HAPSTR1: variants seen among roughly 807,000 people sequenced by gnomAD.
The protein encoded by HAPSTR1 is HUWE1-associated protein modifying stress responses 1.
chr16:9,116,955 T>C, the HAPSTR1 span: 2 of 1,607,164 alleles, frequency 1.2e-6, no homozygotes, highest in Non-Finnish European at 8.5e-7. Flanking sequence ...TGAAAGCCAC[T>C]TGATCCTCAA....
chr16:9,101,898 G>A, the HAPSTR1 span, among the ~76,000 whole-genome samples: 3 of 152,224 alleles, frequency 2.0e-5, no homozygotes, highest in Middle Eastern at 3.4e-3. Flanking sequence ...TGAGGCAGGC[G>A]GATCACAAGG....
At chr16:9,111,100 C>T in the HAPSTR1 span, 1 of 152,208 alleles carries the variant, frequency 6.6e-6, no homozygotes, top group African/African-American at 2.4e-5. Context: ...TTTTCTGTTG[C>T]AGAGAATTAA....
the HAPSTR1 span, among the ~76,000 whole-genome samples, chr16:9,094,228 ATAG>A: frequency 6.6e-6 from 1 of 152,144 alleles, no homozygotes; most frequent in East Asian, 1.9e-4. Flanking sequence ...TGTAATAATA[ATAG>A]TCCAGTCTTA....
the HAPSTR1 span, chr16:9,120,751 C>A: frequency 6.9e-6 from 1 of 144,344 alleles, no homozygotes; most frequent in Non-Finnish European, 1.5e-5. Flanking sequence ...GATCTTGGCT[C>A]ACCACAACCT....
the HAPSTR1 span, among the ~76,000 whole-genome samples, chr16:9,098,259 G>C: frequency 2.0e-5 from 3 of 152,166 alleles, no homozygotes; most frequent in African/African-American, 7.2e-5. Flanking sequence ...CTTGAACCTG[G>C]GAGGCGGAGG....
the HAPSTR1 span, chr16:9,112,795 C>G: frequency 1.3e-5 from 2 of 152,098 alleles, no homozygotes; most frequent in Non-Finnish European, 2.9e-5. Flanking sequence ...TATGATGAAA[C>G]CATCCTCATC....
chr16:9,110,880 A>G, the HAPSTR1 span: 1 of 152,318 alleles, frequency 6.6e-6, no homozygotes, highest in Non-Finnish European at 1.5e-5. Context: ...TCTACTAAAA[A>G]TACAAAAATT....
chr16:9,092,224 G>T, the HAPSTR1 span: 3 of 1,586,586 alleles, frequency 1.9e-6, no homozygotes, highest in Non-Finnish European at 2.6e-6. Context: ...AGAAGCTGTG[G>T]CACCTCTTCC....
chr16:9,095,931 A>G, the HAPSTR1 span, among the ~76,000 whole-genome samples: 38 of 152,264 alleles, frequency 2.5e-4, no homozygotes, highest in African/African-American at 7.9e-4. Context: ...TGTTTCTTCA[A>G]TATTCAGTAG....
the HAPSTR1 span, chr16:9,113,242 A>G: frequency 6.6e-6 from 1 of 152,068 alleles, no homozygotes; most frequent in African/African-American, 2.4e-5. Flanking sequence ...TTTGGGGAAG[A>G]TTAGGTAGGC....
chr16:9,093,152 G>C, the HAPSTR1 span: 2 of 790,382 alleles, frequency 2.5e-6, no homozygotes, highest in East Asian at 2.7e-5. Context: ...GCTCTAGCTA[G>C]ATCCACCGGA....
At chr16:9,116,409 A>ACCGTACACTGTACACGT in the HAPSTR1 span, among the ~76,000 whole-genome samples, 1 of 152,188 alleles carries the variant, frequency 6.6e-6, no homozygotes, top group Non-Finnish European at 1.5e-5. Context: ...TTGTACACCT[A>ACCGTACACTGTACACGT]GCACGGTGGT....
At chr16:9,098,106 G>A in the HAPSTR1 span, among the ~76,000 whole-genome samples, 1 of 152,204 alleles carries the variant, frequency 6.6e-6, no homozygotes, top group African/African-American at 2.4e-5. Flanking sequence ...TGAGGCGGAA[G>A]GATCATTTGA....
At chr16:9,092,019 G>C in the HAPSTR1 span, 3 of 1,483,482 alleles carry the variant, frequency 2.0e-6, no homozygotes, top group Middle Eastern at 2.4e-4. Context: ...CGGCGGTGGC[G>C]GCGAGGCCGC....
chr16:9,093,378 T>TGGAAGACGGCTGAGCC, the HAPSTR1 span, among the ~76,000 whole-genome samples: 1 of 152,182 alleles, frequency 6.6e-6, no homozygotes, highest in Middle Eastern at 3.2e-3. Flanking sequence ...AGCGTTGAGC[T>TGGAAGACGGCTGAGCC]GGAAGACGGC....
the HAPSTR1 span, chr16:9,121,416 A>G: frequency 2.0e-5 from 3 of 152,218 alleles, no homozygotes; most frequent in East Asian, 5.8e-4. Context: ...CATCGTAGCC[A>G]GTGTTGGGTA....
At chr16:9,095,140 C>T in the HAPSTR1 span, among the ~76,000 whole-genome samples, 1 of 152,146 alleles carries the variant, frequency 6.6e-6, no homozygotes, top group African/African-American at 2.4e-5. Context: ...TACCTTGTTT[C>T]TGTACAGTGA....
the HAPSTR1 span, among the ~76,000 whole-genome samples, chr16:9,100,666 TG>T: frequency 6.6e-6 from 1 of 152,194 alleles, no homozygotes; most frequent in Non-Finnish European, 1.5e-5. Flanking sequence ...CCCGAGTAGC[TG>T]GGATTACAGG....
the HAPSTR1 span, chr16:9,092,908 GC>G: frequency 6.8e-7 from 1 of 1,464,068 alleles, no homozygotes; most frequent in Non-Finnish European, 9.1e-7. Context: ...TTTTTTTTTG[GC>G]TTGCTTTTCA....
Sources: gnomAD v4.1 joint callset for allele counts (sites outside exome capture counted in the v4.1 genomes callset) on GRCh38, gnomAD v4.1.1 for gene constraint, MANE v1.5 for transcripts, NCBI Gene and HGNC (gene_info 2026-07-23, HGNC 2026-07-21) for gene names.